FREM3: variants seen among roughly 807,000 people sequenced by gnomAD.
FREM3 encodes the protein FRAS1 related extracellular matrix 3.
Under a neutral mutation model 129.1 loss-of-function variants are expected in FREM3, and 105 were observed. That is an observed-to-expected ratio of 0.81 (90% CI 0.69 to 0.96). The LOEUF is 0.96. Among genes scored for constraint, FREM3 ranks in the 40% least tolerant of loss-of-function variants. The pLI, the probability that FREM3 is intolerant of heterozygous loss-of-function variation, is 0.00. For missense variants in FREM3, 2,593 were observed against 2,666.3 expected (o/e 0.97, Z 0.61); for synonymous variants, 1,014 against 1,044.9 (o/e 0.97, Z 0.57).
chr4:143,650,361 G>A (rs547644747), intron 2 of FREM3, among the ~76,000 whole-genome samples: 1 of 152,282 alleles, frequency 6.6e-6, no homozygotes, highest in East Asian at 1.9e-4. Flanking sequence ...CCCACAGTTG[G>A]TTCTAACCAG....
At chr4:143,633,333 G>A (rs766232087) in intron 2 of FREM3, among the ~76,000 whole-genome samples, 8 of 152,160 alleles carry the variant, frequency 5.3e-5, no homozygotes, top group Non-Finnish European at 1.0e-4. Flanking sequence ...GCAATGGTAG[G>A]TTTGCAACTA....
chr4:143,699,395 G>A lies in FREM3; in HGVS notation c.1281C>T (p.Ser427=). Residue 427 remains serine (S), a synonymous_variant, in exon 1 of 8, where the codon TCC becomes TCT. Coordinates refer to ENST00000329798, the MANE Select transcript of FREM3 (RefSeq NM_001168235.2). The surrounding 1 kb of genome is among the most constrained non-coding windows in gnomAD (Gnocchi z 4.2). ...TAGCCACTGGGACCAGAGTATTCAT[G>A]GATTTCACTGTCACCATGAAGGCAA... ...DPFAFMVTVK[S]MNTLVPVASH... 6.5e-7 allele frequency: 1 copy of A among 1,537,296 alleles called. No homozygotes were observed. Among genetic ancestry groups the A allele is most frequent in the Non-Finnish European group, 8.7e-7 (1 of 1,146,926 alleles).
intron 6 of FREM3, chr4:143,601,844 C>G (rs1008755519): frequency 6.6e-6 from 1 of 151,998 alleles, no homozygotes; most frequent in Admixed American, 6.6e-5. Context: ...GATAGTTGTC[C>G]TTATAAAAGT....
At chr4:143,674,932 C>T (rs1014636004) in intron 2 of FREM3, among the ~76,000 whole-genome samples, 5 of 152,168 alleles carry the variant, frequency 3.3e-5, no homozygotes, top group African/African-American at 1.2e-4. Flanking sequence ...GACTCCCACA[C>T]AATAATAATG....
At chr4:143,684,714 G>A (rs1448405273) in intron 2 of FREM3, among the ~76,000 whole-genome samples, 1 of 152,174 alleles carries the variant, frequency 6.6e-6, no homozygotes. Context: ...AATCAGGGAG[G>A]GACCAGCGGA....
Position 143,627,611 on chromosome 4 carries a change from T to C in FREM3, c.5422+3A>G. 2 of 1,535,300 alleles carry C rather than the reference T, an allele frequency of 1.3e-6. No individual in the cohort carries two copies. Among genetic ancestry groups the C allele is most frequent in the Non-Finnish European group, 1.7e-6 (2 of 1,145,332 alleles). On this transcript the variant is annotated splice_donor_region_variant and intron_variant, in intron 3 of 7. Coordinates refer to ENST00000329798, the MANE Select transcript of FREM3 (RefSeq NM_001168235.2). ...TACCAACAACCAATCCAAAGTTACT[T>C]ACTGATAAATGATGTTTCTCCAAGG...
chr4:143,673,933 C>A (rs984874713), intron 2 of FREM3, among the ~76,000 whole-genome samples: 1 of 152,254 alleles, frequency 6.6e-6, no homozygotes, highest in Non-Finnish European at 1.5e-5. Context: ...TTGCTAAGAC[C>A]ATTGGAAAAG....
chr4:143,602,848 A>G lies in FREM3; in HGVS notation c.6028+8431T>C, dbSNP rs145473008. Among the ~76,000 whole-genome samples the G allele has an allele frequency of 2.0e-5, 3 of 152,288 alleles. No homozygotes were observed. In the East Asian group the frequency reaches 5.8e-4, roughly 29 times the overall value. ...CTAGAGAAGAGCAAGCAGCCAAAAG[A>G]AGGAAAAATGGGTTGCCTGTTTCTA... On this transcript the variant is annotated intron_variant, in intron 6 of 7. Transcript: ENST00000329798.
chr4:143,674,649 T>G (rs1740071849), intron 2 of FREM3, among the ~76,000 whole-genome samples: 1 of 152,022 alleles, frequency 6.6e-6, no homozygotes, highest in African/African-American at 2.4e-5. Context: ...GCAAACCCAT[T>G]TCATGTGCAG....
chr4:143,620,811 C>T (rs1241836356), intron 5 of FREM3, among the ~76,000 whole-genome samples: 1 of 152,094 alleles, frequency 6.6e-6, no homozygotes, highest in Non-Finnish European at 1.5e-5. Flanking sequence ...ATTTTAATCC[C>T]AATTTTGAAT....
chr4:143,578,341 A>G (rs1043229040), intron 7 of FREM3, among the ~76,000 whole-genome samples: 2 of 151,866 alleles, frequency 1.3e-5, no homozygotes, highest in Admixed American at 6.6e-5. Context: ...GTTATTAATC[A>G]TTTTTTCAAG....
chr4:143,690,401 A>G (rs71612414), intron 2 of FREM3, among the ~76,000 whole-genome samples: 27 of 152,154 alleles, frequency 1.8e-4, no homozygotes, highest in Non-Finnish European at 3.4e-4. Context: ...CATTTTTGCC[A>G]GCATTTCCAT....
In FREM3 at chr4:143,652,146, C is replaced by CTTTTTTTT. The variant is rs1030414098; in HGVS notation, c.5276-24394_5276-24387dup. Among the ~76,000 whole-genome samples, 30 of 58,508 alleles carry CTTTTTTTT rather than the reference C, an allele frequency of 5.1e-4. 4 individuals are homozygous for CTTTTTTTT. In the East Asian group the frequency reaches 6.1e-3, roughly 12 times the overall value. 38.4% of individuals were successfully genotyped at this position (58,508 alleles called of 152,430 possible). ...TTCATTCAAATGGTCTTTTTCCTTTCTTTTTTTTTTTTTTTTTTTTTTTTT... is the reference window on the plus strand; with the variant it reads ...TTCATTCAAATGGTCTTTTTCCTTTCTTTTTTTTTTTTTTTTTTTTTTTTTTTTTTTTT... On this transcript the variant is annotated intron_variant, in intron 2 of 7. Coordinates refer to ENST00000329798, the MANE Select transcript of FREM3 (RefSeq NM_001168235.2).
intron 6 of FREM3, among the ~76,000 whole-genome samples, chr4:143,588,833 T>G (rs1327248936): frequency 6.6e-5 from 10 of 150,494 alleles, no homozygotes; most frequent in African/African-American, 2.5e-4. Flanking sequence ...ACTTCCACAA[T>G]GGTTGAACTA....
chr4:143,640,301 A>G (rs930113105), intron 2 of FREM3, among the ~76,000 whole-genome samples: 3 of 152,218 alleles, frequency 2.0e-5, no homozygotes, highest in African/African-American at 4.8e-5. Context: ...GGGCTTAATC[A>G]ATACCTGTTG....
At chr4:143,686,776 G>A (rs1019838195) in intron 2 of FREM3, among the ~76,000 whole-genome samples, 3 of 152,024 alleles carry the variant, frequency 2.0e-5, no homozygotes, top group African/African-American at 4.8e-5. Flanking sequence ...TCTTCGAACC[G>A]AACGACAATA....
intron 2 of FREM3, among the ~76,000 whole-genome samples, chr4:143,684,105 TG>T (rs1240064358): frequency 6.6e-6 from 1 of 152,112 alleles, no homozygotes; most frequent in Non-Finnish European, 1.5e-5. Flanking sequence ...CATATAATCT[TG>T]GGGGTTCTAG....
At position 143,585,708 on chromosome 4, in the gene FREM3, C is replaced by T; in HGVS notation, c.6178+136G>A. On this transcript the variant is annotated intron_variant, in intron 7 of 7. Transcript: ENST00000329798. The surrounding 1 kb of genome is among the most constrained non-coding windows in gnomAD (Gnocchi z 4.2). ...AGCAGAAGTCATTATGTATACAAAC[C>T]ATCTACGTGCTGAAGCCAGAGAAAC... 1 of 802,300 alleles carries T rather than the reference C, an allele frequency of 1.2e-6. No individual in the cohort carries two copies. The highest frequency in any genetic ancestry group is 2.7e-5 in the East Asian group (1 of 36,598). 49.7% of individuals were successfully genotyped at this position (802,300 alleles called of 1,614,324 possible).
chr4:143,677,527 G>C (rs1449451966), intron 2 of FREM3, among the ~76,000 whole-genome samples: 1 of 152,194 alleles, frequency 6.6e-6, no homozygotes, highest in Non-Finnish European at 1.5e-5. Flanking sequence ...GGCAACAGAA[G>C]CCAAAATTGA....
Sources: allele counts gnomAD v4.1 joint callset (sites outside exome capture counted in the v4.1 genomes callset), GRCh38; gene constraint gnomAD v4.1.1; non-coding constraint Gnocchi (gnomAD v3.1); transcripts MANE v1.5; gene names NCBI Gene and HGNC (gene_info 2026-07-23, HGNC 2026-07-21).